The following OSBPL11 variants were observed in gnomAD, a reference collection of about 807,000 sequenced individuals.
The protein encoded by OSBPL11 is oxysterol binding protein like 11.
Under a neutral mutation model 84.4 loss-of-function variants are expected in OSBPL11, and 33 were observed. The ratio of observed to expected loss-of-function variants is 0.39; its 90% CI spans 0.30 to 0.52. The LOEUF (loss-of-function observed/expected upper bound fraction) is 0.52. Among genes scored for constraint, OSBPL11 ranks in the 20% least tolerant of loss-of-function variants. The probability of loss-of-function intolerance (pLI) is 0.72; values close to 1 mark genes in which losing one functional copy is unlikely to be tolerated. For synonymous variants in OSBPL11, 276 were observed against 310.2 expected, an observed-to-expected ratio of 0.89 and a Z score of 1.16; for missense variants, 736 against 901.1, an observed-to-expected ratio of 0.82 and a Z score of 2.35.
At chr3:125,557,702 A>G (rs187215648) in intron 8 of OSBPL11, among the ~76,000 whole-genome samples, 3 of 152,126 alleles carry the variant, frequency 2.0e-5, no homozygotes, top group Admixed American at 6.5e-5. Context: ...TATTGCCTGA[A>G]AAGTATCATT....
chr3:125,548,675 C>T (rs1232898139), intron 9 of OSBPL11, among the ~76,000 whole-genome samples: 2 of 151,928 alleles, frequency 1.3e-5, no homozygotes, highest in African/African-American at 4.8e-5. Flanking sequence ...CATCAACAGA[C>T]CACATATTGA....
At chr3:125,588,221 CAA>C (rs35794012) in intron 1 of OSBPL11, among the ~76,000 whole-genome samples, 112 of 51,654 alleles carry the variant, frequency 2.2e-3, no homozygotes, top group African/African-American at 7.1e-3. Flanking sequence ...GACCCTGTCT[CAA>C]AAAAAAAAAA....
intron 8 of OSBPL11, among the ~76,000 whole-genome samples, chr3:125,554,710 A>T (rs572979525): frequency 2.0e-5 from 3 of 152,194 alleles, no homozygotes; most frequent in South Asian, 2.1e-4. Context: ...AATGCTTTTT[A>T]AAAAAATCAG....
intron 9 of OSBPL11, 49 bp downstream of exon 9, chr3:125,552,132 T>C (rs1935918325): frequency 2.0e-6 from 2 of 975,810 alleles, no homozygotes; most frequent in African/African-American, 5.0e-5. Flanking sequence ...CATATATATA[T>C]GTGTGTGTGT....
intron 5 of OSBPL11, among the ~76,000 whole-genome samples, chr3:125,573,982 A>G (rs1936279314): frequency 6.6e-6 from 1 of 152,006 alleles, no homozygotes; most frequent in Admixed American, 6.6e-5. Flanking sequence ...TCAAACTCAC[A>G]CCAATTTATA....
chr3:125,552,052 G>T, intron 9 of OSBPL11, 129 bp downstream of exon 9: 2 of 444,696 alleles, frequency 4.5e-6, no homozygotes, highest in Non-Finnish European at 6.7e-6. Flanking sequence ...TCTCCCAAGC[G>T]AACTTTCCTT....
At position 125,576,368 on chromosome 3, in the gene OSBPL11, G is replaced by C; in HGVS notation, c.490-3C>G. 6.5e-7 allele frequency: 1 copy of C among 1,544,716 alleles called. No individual in the cohort carries two copies. Among genetic ancestry groups the C allele is most frequent in the Non-Finnish European group, 8.7e-7 (1 of 1,154,132 alleles). On this transcript the variant is annotated splice_polypyrimidine_tract_variant and splice_region_variant and intron_variant, in intron 4 of 12. Transcript: ENST00000296220. Reference sequence around the variant, plus strand: ...CGTGACTTCAGAGGAGGATTATTCTGTTAGACAAAGAAAATCATTCCTTTT... The same window carrying C: ...CGTGACTTCAGAGGAGGATTATTCTCTTAGACAAAGAAAATCATTCCTTTT...
At chr3:125,589,647 C>T (rs1265011182) in intron 1 of OSBPL11, among the ~76,000 whole-genome samples, 5 of 150,336 alleles carry the variant, frequency 3.3e-5, no homozygotes, top group Non-Finnish European at 7.4e-5. Context: ...ACATTTATGA[C>T]TTTTTCTTCA....
intron 10 of OSBPL11, 32 bp downstream of exon 10, chr3:125,547,374 T>G: frequency 6.4e-7 from 1 of 1,571,650 alleles, no homozygotes; most frequent in Non-Finnish European, 8.7e-7. Context: ...AGTGGAAGAA[T>G]AAGAACTAGA....
At chr3:125,572,612 T>A (rs965079344) in intron 5 of OSBPL11, among the ~76,000 whole-genome samples, 1 of 151,568 alleles carries the variant, frequency 6.6e-6, no homozygotes, top group East Asian at 1.9e-4. Flanking sequence ...TAAAGAGGAG[T>A]TCCCCTGCAC....
chr3:125,550,026 G>A (rs1413055438), intron 9 of OSBPL11, among the ~76,000 whole-genome samples: 5 of 151,970 alleles, frequency 3.3e-5, no homozygotes, highest in East Asian at 3.9e-4. Flanking sequence ...TAAGGCTAAC[G>A]TGACGGAGCT....
intron 10 of OSBPL11, among the ~76,000 whole-genome samples, chr3:125,543,569 T>C (rs1001556125): frequency 1.3e-5 from 2 of 152,194 alleles, no homozygotes; most frequent in Admixed American, 6.5e-5. Context: ...TATGTCAATT[T>C]GATATATCCT....
intron 2 of OSBPL11, among the ~76,000 whole-genome samples, chr3:125,582,250 A>C (rs1202971095): frequency 1.3e-5 from 2 of 151,714 alleles, no homozygotes; most frequent in African/African-American, 4.8e-5. Flanking sequence ...CAGAAGAATC[A>C]CTTGAACCCC....
chr3:125,561,102 A>T (rs1030944982), intron 7 of OSBPL11, among the ~76,000 whole-genome samples: 2 of 151,902 alleles, frequency 1.3e-5, no homozygotes, highest in Non-Finnish European at 2.9e-5. Flanking sequence ...GGTTCAAGCG[A>T]TTCTCCTGCC....
chr3:125,547,359 A>G, intron 10 of OSBPL11, 47 bp downstream of exon 10: 1 of 1,522,320 alleles, frequency 6.6e-7, no homozygotes, highest in Non-Finnish European at 9.0e-7. Flanking sequence ...GTAATACAAA[A>G]TCAAAGTGGA....
intron 5 of OSBPL11, among the ~76,000 whole-genome samples, chr3:125,570,311 GC>G (rs1319691026): frequency 7.3e-6 from 1 of 136,716 alleles, no homozygotes; most frequent in Non-Finnish European, 1.5e-5. Context: ...GGGGAACACA[GC>G]AAGACACCCA....
At chr3:125,576,067 C>T in intron 5 of OSBPL11, 122 bp downstream of exon 5, 1 of 816,220 alleles carries the variant, frequency 1.2e-6, no homozygotes, top group Non-Finnish European at 1.9e-6. Flanking sequence ...ATTATCTCAG[C>T]ATACTAGATA....
chr3:125,531,850 G>T lies in OSBPL11; in HGVS notation c.2178+11C>A, dbSNP rs759121427. 1 of 1,603,606 alleles carries T rather than the reference G, an allele frequency of 6.2e-7. No individual in the cohort carries two copies. Among genetic ancestry groups the T allele is most frequent in the South Asian group, 1.1e-5 (1 of 88,838 alleles). ...AGATACATTTTTATCTTGAACACAT[G>T]TACAGCATACCTCTTTAATAAAATA... On this transcript the variant is annotated intron_variant, in intron 12 of 12. Coordinates refer to ENST00000296220, the MANE Select transcript of OSBPL11 (RefSeq NM_022776.5).
chr3:125,537,659 A>C (rs903283422), intron 11 of OSBPL11, among the ~76,000 whole-genome samples: 20 of 152,168 alleles, frequency 1.3e-4, no homozygotes, highest in African/African-American at 4.6e-4. Context: ...TAAGATGTTT[A>C]GTGGTTCCCT....
Sources: allele counts gnomAD v4.1 joint callset (sites outside exome capture counted in the v4.1 genomes callset), GRCh38; gene constraint gnomAD v4.1.1; transcripts MANE v1.5; gene names NCBI Gene and HGNC (gene_info 2026-07-23, HGNC 2026-07-21).